The following LAMA3 variants were observed in gnomAD, a reference collection of about 807,000 sequenced individuals.
The protein encoded by LAMA3 is laminin subunit alpha 3.
LAMA3 carries 281 observed loss-of-function variants against 402.0 expected under a neutral mutation model. That is an observed-to-expected ratio of 0.70 (90% confidence interval 0.63 to 0.77). The LOEUF is 0.77. Ranked by LOEUF, LAMA3 falls within the 30% of genes least tolerant of loss-of-function variation. The pLI is 0.00. For missense variants in LAMA3, 3,840 were observed against 4,215.5 expected (o/e 0.91, Z 2.47); for synonymous variants, 1,431 against 1,558.4 (o/e 0.92, Z 1.93).
intron 42 of LAMA3, among the ~76,000 whole-genome samples, chr18:23,890,550 A>G (rs924020635): frequency 6.6e-6 from 1 of 152,190 alleles, no homozygotes. Flanking sequence ...GTGGGTGGGT[A>G]ATTGGGGTGG....
At chr18:23,773,970 C>T (rs1490976267) in intron 9 of LAMA3, among the ~76,000 whole-genome samples, 2 of 152,232 alleles carry the variant, frequency 1.3e-5, no homozygotes, top group East Asian at 3.9e-4. Flanking sequence ...CCTGTAATCC[C>T]AGGACTTTGG....
rs750185376 is a variant in LAMA3 at position 23,949,746 on chromosome 18, C to A, written c.9352-19C>A. 2.5e-6 allele frequency: 4 copies of A among 1,613,380 alleles called. No homozygotes were observed. In the African/African-American group the frequency reaches 4.0e-5, roughly 16 times the overall value. ...TGGAGGTGTAGGTAATGAGCTTTTTCTTTTCTGCTTGGTTGCAGAGCCTCC... is the reference window on the plus strand; with the variant it reads ...TGGAGGTGTAGGTAATGAGCTTTTTATTTTCTGCTTGGTTGCAGAGCCTCC... On this transcript the variant is annotated intron_variant, in intron 70 of 74. Coordinates refer to ENST00000313654, the MANE Select transcript of LAMA3 (RefSeq NM_198129.4).
chr18:23,836,497 T>C lies in LAMA3; in HGVS notation c.2985-484T>C, dbSNP rs375626370. 2.6e-4 allele frequency among the ~76,000 whole-genome samples: 40 copies of C among 152,090 alleles called. 1 individual carries two copies. In the East Asian group the frequency reaches 5.2e-3, roughly 20 times the overall value. ...TGATGGAGGGAAGAGATACCACAGG[T>C]AGAAATGAAGAAGGAAGAAGGAGGA... On this transcript the variant is annotated intron_variant, in intron 24 of 74. Coordinates refer to ENST00000313654, the MANE Select transcript of LAMA3 (RefSeq NM_198129.4).
intron 55 of LAMA3, among the ~76,000 whole-genome samples, chr18:23,910,456 G>C (rs2081390031): frequency 6.6e-6 from 1 of 152,182 alleles, no homozygotes; most frequent in Admixed American, 6.5e-5. Flanking sequence ...TGAATGCCTG[G>C]TTGGCATTGG....
rs551008256 is a variant in LAMA3, at chr18:23,878,499, C to T, written c.5112+2092C>T. Among the ~76,000 whole-genome samples, 4 of 152,298 alleles carry T rather than the reference C, an allele frequency of 2.6e-5. No individual in the cohort carries two copies. In the East Asian group the frequency reaches 7.7e-4, roughly 29 times the overall value. On this transcript the variant is annotated intron_variant, in intron 39 of 74. Coordinates refer to ENST00000313654, the MANE Select transcript of LAMA3 (RefSeq NM_198129.4). Reference sequence around the variant, plus strand: ...ATGTGTATGTGTGTACACACACTCACACACACACGCACACACACACGGAGC... The same window carrying T: ...ATGTGTATGTGTGTACACACACTCATACACACACGCACACACACACGGAGC...
At chr18:23,881,608 A>G (rs1262121326) in intron 39 of LAMA3, among the ~76,000 whole-genome samples, 2 of 152,234 alleles carry the variant, frequency 1.3e-5, no homozygotes, top group Non-Finnish European at 2.9e-5. Flanking sequence ...TAAAATTGAT[A>G]TAAGTAAAAT....
chr18:23,952,876 C>A (rs1383958091), intron 73 of LAMA3, 114 bp from the exon 74 acceptor site: 1 of 1,417,518 alleles, frequency 7.1e-7, no homozygotes, highest in Non-Finnish European at 9.9e-7. Flanking sequence ...GACCAAATTT[C>A]TGCAAACAGC....
chr18:23,823,990 A>T (rs539088896), intron 20 of LAMA3, among the ~76,000 whole-genome samples: 1 of 152,262 alleles, frequency 6.6e-6, no homozygotes, highest in East Asian at 1.9e-4. Context: ...ATGAGCTATG[A>T]TGGCATCTGT....
intron 42 of LAMA3, among the ~76,000 whole-genome samples, chr18:23,890,491 T>G (rs970004712): frequency 1.3e-5 from 2 of 152,210 alleles, no homozygotes; most frequent in Non-Finnish European, 2.9e-5. Context: ...CGTGTGTGTC[T>G]GAAGAAATTG....
At chr18:23,717,626 C>A (rs1273603441) in intron 2 of LAMA3, among the ~76,000 whole-genome samples, 3 of 138,620 alleles carry the variant, frequency 2.2e-5, no homozygotes, top group African/African-American at 8.2e-5. Context: ...GATATCAGCT[C>A]ACTGCAACCT....
chr18:23,694,781 T>G (rs1173310456), intron 1 of LAMA3, among the ~76,000 whole-genome samples: 1 of 152,222 alleles, frequency 6.6e-6, no homozygotes, highest in Non-Finnish European at 1.5e-5. Context: ...CATTATCATG[T>G]CTGTCTCCTT....
intron 33 of LAMA3, 65 bp from the exon 34 acceptor site, chr18:23,858,624 T>A (rs140417247): frequency 6.8e-7 from 1 of 1,466,072 alleles, no homozygotes; most frequent in East Asian, 2.3e-5. Context: ...TTTGTGCAAG[T>A]AGCTAATTGC....
chr18:23,790,627 GT>G (rs1384532219), intron 12 of LAMA3, among the ~76,000 whole-genome samples: 1 of 152,136 alleles, frequency 6.6e-6, no homozygotes, highest in Non-Finnish European at 1.5e-5. Flanking sequence ...CTTTCAAATA[GT>G]TATAACCTGA....
chr18:23,819,760 T>C (rs2063247123), intron 18 of LAMA3, 81 bp from the exon 19 acceptor site: 4 of 1,221,824 alleles, frequency 3.3e-6, no homozygotes, highest in South Asian at 2.4e-5. Context: ...AGTTCTTTCA[T>C]AGTAACTATT....
chr18:23,748,831 G>T (rs895718093), intron 3 of LAMA3, among the ~76,000 whole-genome samples: 1 of 151,514 alleles, frequency 6.6e-6, no homozygotes, highest in Non-Finnish European at 1.5e-5. Context: ...CATTTTTCAA[G>T]CATGTGTTCA....
At position 23,831,195 on chromosome 18, in the gene LAMA3, T is replaced by C. The variant is rs570243488; in HGVS notation, c.2824-2633T>C. Among the ~76,000 whole-genome samples, 3 of 152,342 alleles carry C rather than the reference T, an allele frequency of 2.0e-5. No individual in the cohort carries two copies. In the South Asian group the frequency reaches 6.2e-4, roughly 32 times the overall value. ...TCTGCCCATTGCACCTCTTGATCTTTTCTCCAGACTATAGCCAGCACTCAC... is the reference window on the plus strand; with the variant it reads ...TCTGCCCATTGCACCTCTTGATCTTCTCTCCAGACTATAGCCAGCACTCAC... On this transcript the variant is annotated intron_variant, in intron 23 of 74. Transcript: ENST00000313654.
At chr18:23,732,054 T>TATC (rs1479166048) in intron 2 of LAMA3, among the ~76,000 whole-genome samples, 2 of 152,176 alleles carry the variant, frequency 1.3e-5, no homozygotes, top group Non-Finnish European at 2.9e-5. Context: ...CAAGGGTGTG[T>TATC]ATTATGGGCT....
chr18:23,837,570 G>GATATATGTATATATATAT (rs2063609839), intron 25 of LAMA3, among the ~76,000 whole-genome samples: 1 of 83,284 alleles, frequency 1.2e-5, no homozygotes. Flanking sequence ...CAGTTAATCA[G>GATATATGTATATATATAT]ATATATATAT....
intron 24 of LAMA3, among the ~76,000 whole-genome samples, chr18:23,836,650 G>A (rs1208331075): frequency 6.6e-6 from 1 of 152,142 alleles, no homozygotes; most frequent in Non-Finnish European, 1.5e-5. Flanking sequence ...GAATAGCCCC[G>A]AGAATGTTGG....
Sources: gnomAD v4.1 joint callset for allele counts (sites outside exome capture counted in the v4.1 genomes callset) on GRCh38, gnomAD v4.1.1 for gene constraint, MANE v1.5 for transcripts, NCBI Gene and HGNC (gene_info 2026-07-23, HGNC 2026-07-21) for gene names.